Variants in FAM193A observed in about 807,000 individuals in gnomAD.
FAM193A encodes the protein protein FAM193A.
In FAM193A, 22 loss-of-function variants were observed where a neutral mutation model predicts 126.5. The observed-to-expected ratio is 0.17, with a 90% CI of 0.12 to 0.25. The LOEUF is 0.25. Ranked by LOEUF, FAM193A falls within the 10% of genes least tolerant of loss-of-function variation. FAM193A has a pLI of 1.00. For missense variants in FAM193A, 1,675 were observed against 1,672.8 expected (o/e 1.00, Z -0.02); for synonymous variants, 761 against 646.8 (o/e 1.18, Z -2.68).
At position 2,679,375 on chromosome 4, in the gene FAM193A, C is replaced by CTTTCTT. The variant is rs1233397336; in HGVS notation, c.2331+7006_2331+7007insCTTTTT. On this transcript the variant is annotated intron_variant, in intron 13 of 20. Coordinates refer to ENST00000637812, the MANE Select transcript of FAM193A (RefSeq NM_001366318.2). ...GCGATACTCGTTTGTAGTTTTCTTT[C>CTTTCTT]TTTTTTTTTTTTTTTTTTTTTTTTG... is the stretch of plus-strand genomic sequence containing the variant. Among the ~76,000 whole-genome samples, 202 of 87,882 alleles carry CTTTCTT rather than the reference C, an allele frequency of 2.3e-3. 2 individuals carry two copies. The highest frequency in any genetic ancestry group is 7.5e-3 in the African/African-American group (192 of 25,588). The allele number at this position is 87,882 out of a possible 152,430, so 57.7% of individuals were successfully genotyped here.
At position 2,631,128 on chromosome 4, in the gene FAM193A, T is replaced by A. The variant is rs1349965725; in HGVS notation, c.997T>A (p.Cys333Ser). ...SLLLEEYGAL[C>S]QAARSISTFL... ...CCTGCTTGAGGAGTACGGCGCCCTC[T>A]GCCAGGCCGCACGCTCCATCAGCAC... The change falls in exon 5 of 21, where the codon TGC (cysteine) becomes AGC (serine). Residue 333 changes from cysteine to serine, a missense_variant. Transcript: ENST00000637812. The A allele has an allele frequency of 6.2e-7, 1 of 1,613,304 alleles. No homozygotes were observed. Among genetic ancestry groups the A allele is most frequent in the South Asian group, 1.1e-5 (1 of 90,874 alleles).
intron 13 of FAM193A, among the ~76,000 whole-genome samples, chr4:2,689,212 A>G (rs936055918): frequency 1.3e-5 from 2 of 152,224 alleles, no homozygotes; most frequent in Admixed American, 6.5e-5. Context: ...GCACACTCAC[A>G]TGTGACCCAG....
intron 1 of FAM193A, among the ~76,000 whole-genome samples, chr4:2,565,676 C>T (rs950788600): frequency 1.3e-5 from 2 of 151,506 alleles, no homozygotes; most frequent in Non-Finnish European, 2.9e-5. Context: ...GAAATGGGTT[C>T]ACCACATGAT....
chr4:2,670,604 C>T (rs1423514323), intron 12 of FAM193A, among the ~76,000 whole-genome samples: 2 of 152,080 alleles, frequency 1.3e-5, no homozygotes, highest in Non-Finnish European at 2.9e-5. Flanking sequence ...GGACTACAGG[C>T]ACACACCACC....
chr4:2,709,457 C>T (rs566078182), intron 19 of FAM193A, among the ~76,000 whole-genome samples: 8 of 152,238 alleles, frequency 5.3e-5, no homozygotes, highest in African/African-American at 1.9e-4. Flanking sequence ...CCTATAATCC[C>T]AGCATTTTGG....
In FAM193A at chr4:2,538,950, G is replaced by A. The variant is rs529721467; in HGVS notation, c.255+1780G>A. 3.9e-5 allele frequency among the ~76,000 whole-genome samples: 6 copies of A among 152,102 alleles called. No homozygotes were observed. The South Asian group carries it at 1.2e-3, about 32-fold the overall frequency. ...CTGTCGCCCAGGCTGGAGTGCAGTG[G>A]TGCGATCTTGGCGCACCGTAACCTC... On this transcript the variant is annotated intron_variant, in intron 1 of 20. Coordinates refer to ENST00000637812, the MANE Select transcript of FAM193A (RefSeq NM_001366318.2).
intron 13 of FAM193A, among the ~76,000 whole-genome samples, chr4:2,675,856 C>CT (rs754027622): frequency 6.6e-5 from 10 of 152,324 alleles, no homozygotes; most frequent in Non-Finnish European, 1.3e-4. Flanking sequence ...TGTGACTACT[C>CT]TAAGTACCTC....
chr4:2,605,594 A>G (rs745585806), intron 2 of FAM193A, among the ~76,000 whole-genome samples: 9 of 152,206 alleles, frequency 5.9e-5, no homozygotes, highest in Non-Finnish European at 1.3e-4. Context: ...GCTGAGCCAT[A>G]GGTGGTTTAT....
At chr4:2,609,055 T>G (rs1741707557) in intron 2 of FAM193A, among the ~76,000 whole-genome samples, 1 of 151,908 alleles carries the variant, frequency 6.6e-6, no homozygotes, top group Non-Finnish European at 1.5e-5. Flanking sequence ...CACGGCTGGC[T>G]AATTTTTTTT....
chr4:2,720,286 A>C (rs1560614779), intron 20 of FAM193A, among the ~76,000 whole-genome samples: 1 of 152,222 alleles, frequency 6.6e-6, no homozygotes, highest in Non-Finnish European at 1.5e-5. Flanking sequence ...AATTGTCTAC[A>C]TAGGAAATAT....
intron 5 of FAM193A, among the ~76,000 whole-genome samples, chr4:2,633,318 G>A (rs971078916): frequency 6.6e-6 from 1 of 152,000 alleles, no homozygotes; most frequent in Admixed American, 6.6e-5. Context: ...AGAATCACTT[G>A]AACCCGGGAG....
chr4:2,592,036 A>G (rs1455346616), intron 1 of FAM193A, among the ~76,000 whole-genome samples: 2 of 151,964 alleles, frequency 1.3e-5, no homozygotes, highest in African/African-American at 2.4e-5. Context: ...TATTTCATCT[A>G]TGTGTTTGTA....
intron 2 of FAM193A, among the ~76,000 whole-genome samples, chr4:2,619,710 A>G (rs773563568): frequency 3.3e-5 from 5 of 151,070 alleles, no homozygotes; most frequent in Middle Eastern, 3.2e-3. Context: ...TTTTGAGACA[A>G]TGTCTCTCTC....
chr4:2,590,713 A>C (rs1740521181), intron 1 of FAM193A, among the ~76,000 whole-genome samples: 1 of 151,748 alleles, frequency 6.6e-6, no homozygotes, highest in Non-Finnish European at 1.5e-5. Flanking sequence ...TAGTATAATG[A>C]ATATATGATA....
At chr4:2,696,947 TG>T (rs984614798) in intron 18 of FAM193A, among the ~76,000 whole-genome samples, 1 of 152,100 alleles carries the variant, frequency 6.6e-6, no homozygotes, top group Non-Finnish European at 1.5e-5. Context: ...AAGGCCCAGG[TG>T]GGCTTTTGGG....
chr4:2,563,451 C>G (rs374313895), intron 1 of FAM193A, among the ~76,000 whole-genome samples: 8 of 152,000 alleles, frequency 5.3e-5, no homozygotes, highest in South Asian at 2.1e-4. Flanking sequence ...CACCTATAAT[C>G]CCAGTACTTT....
intron 1 of FAM193A, among the ~76,000 whole-genome samples, chr4:2,578,702 A>G (rs558171853): frequency 3.9e-5 from 6 of 152,202 alleles, no homozygotes; most frequent in African/African-American, 1.2e-4. Flanking sequence ...TACCAATACT[A>G]TAAACATTCG....
At chr4:2,649,160 G>T (rs1405532452) in intron 7 of FAM193A, among the ~76,000 whole-genome samples, 1 of 152,136 alleles carries the variant, frequency 6.6e-6, no homozygotes, top group Non-Finnish European at 1.5e-5. Flanking sequence ...GATCACTTGA[G>T]CCCAGGAGTT....
At chr4:2,566,770 C>T (rs1738987914) in intron 1 of FAM193A, among the ~76,000 whole-genome samples, 1 of 152,074 alleles carries the variant, frequency 6.6e-6, no homozygotes, top group East Asian at 1.9e-4. Flanking sequence ...AGTCATTTTA[C>T]TGCACACTTA....
Sources: allele counts gnomAD v4.1 joint callset (sites outside exome capture counted in the v4.1 genomes callset), GRCh38; gene constraint gnomAD v4.1.1; transcripts MANE v1.5; gene names NCBI Gene and HGNC (gene_info 2026-07-23, HGNC 2026-07-21).